ADAMTSL3: variants seen among roughly 807,000 people sequenced by gnomAD.
The protein encoded by ADAMTSL3 is ADAMTS-like protein 3.
ADAMTSL3 carries 128 observed loss-of-function variants against 201.7 expected under a neutral mutation model. That is an observed-to-expected ratio of 0.63 (90% CI 0.55 to 0.73). ADAMTSL3 has a LOEUF of 0.73. Among genes scored for constraint, ADAMTSL3 ranks in the 30% least tolerant of loss-of-function variants. ADAMTSL3 has a pLI of 0.00. For synonymous variants in ADAMTSL3, 738 were observed against 748.4 expected (o/e 0.99, Z 0.23); for missense variants, 1,990 against 2,119.6 (o/e 0.94, Z 1.20).
chr15:83,804,813 G>T, intron 5 of ADAMTSL3, 118 bp downstream of exon 5: 3 of 688,234 alleles, frequency 4.4e-6, no homozygotes, highest in Non-Finnish European at 6.6e-6. Context: ...GAAAACTTAA[G>T]TATTTCTTTA....
intron 6 of ADAMTSL3, among the ~76,000 whole-genome samples, chr15:83,836,859 G>T (rs992020064): frequency 6.6e-6 from 1 of 151,908 alleles, no homozygotes; most frequent in African/African-American, 2.4e-5. Context: ...TTTGTACGTG[G>T]GTGTTTTCTT....
chr15:83,830,067 G>T (rs1488309739), intron 6 of ADAMTSL3, among the ~76,000 whole-genome samples: 1 of 152,090 alleles, frequency 6.6e-6, no homozygotes, highest in Non-Finnish European at 1.5e-5. Context: ...TGTGGGGAGT[G>T]AGAGAATGAT....
chr15:83,792,801 A>T (rs1810713793), intron 4 of ADAMTSL3, among the ~76,000 whole-genome samples: 1 of 152,116 alleles, frequency 6.6e-6, no homozygotes, highest in South Asian at 2.1e-4. Context: ...CAAAAAAAAA[A>T]AAAAAATCAT....
intron 4 of ADAMTSL3, among the ~76,000 whole-genome samples, chr15:83,777,378 C>G (rs2063095072): frequency 6.6e-6 from 1 of 152,306 alleles, no homozygotes; most frequent in Non-Finnish European, 1.5e-5. Flanking sequence ...TAATGACCGG[C>G]AGTCCAAAAA....
At chr15:83,932,936 C>T (rs1040765926) in intron 17 of ADAMTSL3, among the ~76,000 whole-genome samples, 2 of 152,148 alleles carry the variant, frequency 1.3e-5, no homozygotes, top group African/African-American at 4.8e-5. Context: ...AAAATGTTTA[C>T]ATATATAAAA....
chr15:83,732,383 A>G lies in ADAMTSL3; in HGVS notation c.189+27875A>G, dbSNP rs142470607. On this transcript the variant is annotated intron_variant, in intron 3 of 29. Coordinates refer to ENST00000286744, the MANE Select transcript of ADAMTSL3 (RefSeq NM_207517.3). The stretch of plus-strand genomic sequence containing the variant: ...GTGTCCTAATTCTGTCAGATAAGTG[A>G]GTCAACACTGTATATTTATCTGCCT... Among the ~76,000 whole-genome samples the G allele has an allele frequency of 9.0e-3, 1,374 of 152,226 alleles. 20 individuals carry two copies. Among genetic ancestry groups the G allele is most frequent in the African/African-American group, 0.031 (1,292 of 41,548 alleles).
At chr15:83,948,986 A>T (rs2066710129) in intron 19 of ADAMTSL3, among the ~76,000 whole-genome samples, 1 of 152,286 alleles carries the variant, frequency 6.6e-6, no homozygotes, top group Admixed American at 6.5e-5. Context: ...CATCCCCTCA[A>T]GCATTTATCC....
At chr15:83,808,767 A>G (rs747276011) in intron 5 of ADAMTSL3, among the ~76,000 whole-genome samples, 1 of 152,238 alleles carries the variant, frequency 6.6e-6, no homozygotes, top group East Asian at 1.9e-4. Context: ...AAAATGTGGT[A>G]TATATACACA....
chr15:83,803,262 G>A (rs1413515709), intron 4 of ADAMTSL3, among the ~76,000 whole-genome samples: 1 of 152,080 alleles, frequency 6.6e-6, no homozygotes, highest in Non-Finnish European at 1.5e-5. Context: ...TACTCCTTTT[G>A]TAATCAAGAA....
At chr15:83,903,628 G>A (rs2065770124) in intron 15 of ADAMTSL3, among the ~76,000 whole-genome samples, 1 of 151,694 alleles carries the variant, frequency 6.6e-6, no homozygotes, top group South Asian at 2.1e-4. Flanking sequence ...TTAGAAAAGG[G>A]GGATATCAGC....
chr15:83,837,981 G>GC (rs1478201490), intron 6 of ADAMTSL3, 108 bp from the exon 7 acceptor site: 2 of 1,377,894 alleles, frequency 1.5e-6, no homozygotes, highest in African/African-American at 2.9e-5. Context: ...ATAAAAGAGA[G>GC]CCAAACTGTA....
intron 6 of ADAMTSL3, among the ~76,000 whole-genome samples, chr15:83,822,451 A>G (rs376854269): frequency 0.35 from 35,465 of 100,526 alleles, 7,295 homozygotes; most frequent in South Asian, 0.49. Flanking sequence ...GGCGGTTGCC[A>G]GGCGGAGGGT....
intron 25 of ADAMTSL3, among the ~76,000 whole-genome samples, chr15:84,021,031 C>T (rs543057173): frequency 5.9e-5 from 9 of 152,270 alleles, no homozygotes; most frequent in South Asian, 2.1e-4. Flanking sequence ...AAATTGAACC[C>T]GTTAGGGCAT....
chr15:83,856,383 C>T (rs1316162847), intron 7 of ADAMTSL3, among the ~76,000 whole-genome samples: 2 of 151,806 alleles, frequency 1.3e-5, no homozygotes, highest in African/African-American at 4.8e-5. Flanking sequence ...CCCTATGTTG[C>T]CCCGACTGGT....
intron 2 of ADAMTSL3, among the ~76,000 whole-genome samples, chr15:83,667,550 G>T (rs554540877): frequency 1.5e-5 from 2 of 129,110 alleles, no homozygotes; most frequent in Non-Finnish European, 3.2e-5. Flanking sequence ...GTACTGTGAA[G>T]TTTGGATGTA....
At chr15:83,752,051 G>T (rs181864511) in intron 3 of ADAMTSL3, among the ~76,000 whole-genome samples, 29 of 152,278 alleles carry the variant, frequency 1.9e-4, no homozygotes, top group African/African-American at 6.7e-4. Flanking sequence ...AATACCATTT[G>T]CTTTGGCTAC....
At chr15:83,659,034 G>T (rs149736291) in intron 2 of ADAMTSL3, among the ~76,000 whole-genome samples, 1 of 152,210 alleles carries the variant, frequency 6.6e-6, no homozygotes, top group Non-Finnish European at 1.5e-5. Context: ...AGATGGCTTC[G>T]TGTATATCTG....
At chr15:83,851,279 G>T (rs1013848085) in intron 7 of ADAMTSL3, among the ~76,000 whole-genome samples, 49 of 152,256 alleles carry the variant, frequency 3.2e-4, no homozygotes, top group East Asian at 5.8e-4. Flanking sequence ...TGGGTGCTCG[G>T]CAGTGTGCTT....
At chr15:83,793,817 T>C (rs1278651340) in intron 4 of ADAMTSL3, among the ~76,000 whole-genome samples, 1 of 152,158 alleles carries the variant, frequency 6.6e-6, no homozygotes, top group Non-Finnish European at 1.5e-5. Context: ...ATCAGCTTAC[T>C]TAATATCAAG....
Sources: gnomAD v4.1 joint callset for allele counts (sites outside exome capture counted in the v4.1 genomes callset) on GRCh38, gnomAD v4.1.1 for gene constraint, MANE v1.5 for transcripts, NCBI Gene and HGNC (gene_info 2026-07-23, HGNC 2026-07-21) for gene names.